Variants in GFRA2 observed in about 807,000 individuals in gnomAD.
The protein encoded by GFRA2 is GDNF family receptor alpha 2, also known as GDNF family receptor alpha-2.
GFRA2 carries 17 observed loss-of-function variants against 48.3 expected under a neutral mutation model. The ratio of observed to expected loss-of-function variants is 0.35; its 90% CI spans 0.24 to 0.53. GFRA2 has a LOEUF of 0.53. Ranked by LOEUF, GFRA2 falls within the 20% of genes least tolerant of loss-of-function variation. The pLI is 0.93. For missense variants in GFRA2, 660 were observed against 637.3 expected (o/e 1.04, Z -0.38); for synonymous variants, 305 against 257.2 (o/e 1.19, Z -1.78).
At chr8:21,780,240 C>A (rs1195405377) in intron 2 of GFRA2, among the ~76,000 whole-genome samples, 1 of 152,088 alleles carries the variant, frequency 6.6e-6, no homozygotes, top group Non-Finnish European at 1.5e-5. Context: ...CATACGATGG[C>A]CGATGGCCGG....
At chr8:21,761,907 T>C (rs1454696717) in intron 3 of GFRA2, among the ~76,000 whole-genome samples, 1 of 151,840 alleles carries the variant, frequency 6.6e-6, no homozygotes, top group East Asian at 1.9e-4. Context: ...CTGAGGGCTG[T>C]CACCACTGTA....
intron 2 of GFRA2, among the ~76,000 whole-genome samples, chr8:21,778,517 A>G (rs1585332289): frequency 6.6e-6 from 1 of 152,254 alleles, no homozygotes; most frequent in African/African-American, 2.4e-5. Context: ...CAGTTCCTAC[A>G]GTGCTGTTAC....
At chr8:21,788,067 C>T in intron 1 of GFRA2, 53 bp downstream of exon 1, 1 of 1,041,870 alleles carries the variant, frequency 9.6e-7, no homozygotes, top group Non-Finnish European at 1.4e-6. Flanking sequence ...GCTCGCCCCC[C>T]GCCTCCCCGG....
At chr8:21,727,089 T>C (rs1803907728) in intron 4 of GFRA2, among the ~76,000 whole-genome samples, 1 of 152,142 alleles carries the variant, frequency 6.6e-6, no homozygotes, top group Non-Finnish European at 1.5e-5. Context: ...CATTCTGAAG[T>C]TCCGGGTGGA....
At chr8:21,695,262 T>C (rs986103522) in intron 7 of GFRA2, among the ~76,000 whole-genome samples, 15 of 152,272 alleles carry the variant, frequency 9.9e-5, no homozygotes, top group Admixed American at 3.9e-4. Context: ...CGGCCCTCTG[T>C]TATCATCACT....
At chr8:21,734,515 G>A (rs1415194393) in intron 4 of GFRA2, among the ~76,000 whole-genome samples, 1 of 151,792 alleles carries the variant, frequency 6.6e-6, no homozygotes, top group Non-Finnish European at 1.5e-5. Context: ...CAACAGCCTA[G>A]TGAGGTGTTC....
At chr8:21,744,088 A>T (rs774183239) in intron 4 of GFRA2, among the ~76,000 whole-genome samples, 1 of 152,190 alleles carries the variant, frequency 6.6e-6, no homozygotes, top group Non-Finnish European at 1.5e-5. Flanking sequence ...AACAGATCCT[A>T]TGGAAAGCCA....
intron 4 of GFRA2, among the ~76,000 whole-genome samples, chr8:21,726,891 T>C (rs1418252447): frequency 6.6e-6 from 1 of 151,768 alleles, no homozygotes; most frequent in Non-Finnish European, 1.5e-5. Flanking sequence ...TAGCTGGGAC[T>C]ACAAGCGCGC....
Position 21,702,702 on chromosome 8 carries a change from G to A in GFRA2, c.1218+103C>T, listed in dbSNP as rs114884518. On this transcript the variant is annotated intron_variant, in intron 7 of 8. Coordinates refer to ENST00000524240, the MANE Select transcript of GFRA2 (RefSeq NM_001495.5). ...GCTCCTCCCTGCCTCTTGGGTCCCTGATCCAAAGGGAGGACCCTCCCTCCC... is the reference window on the plus strand; with the variant it reads ...GCTCCTCCCTGCCTCTTGGGTCCCTAATCCAAAGGGAGGACCCTCCCTCCC... 3,257 of 1,207,612 alleles carry A rather than the reference G, an allele frequency of 2.7e-3. 45 individuals carry two copies. In the African/African-American group the frequency reaches 0.042, roughly 15 times the overall value. 74.8% of individuals were successfully genotyped at this position (1,207,612 alleles called of 1,614,324 possible).
Position 21,748,946 on chromosome 8 carries a change from C to T in GFRA2, c.794+1642G>A, listed in dbSNP as rs576187559. On this transcript the variant is annotated intron_variant, in intron 4 of 8. Transcript: ENST00000524240. ...AACAGGCTTCTTCCCTGGCTTTCTC[C>T]TCCTTGTTTCCCAAGGCTCAGGTCA... Among the ~76,000 whole-genome samples, 10 of 152,300 alleles carry T rather than the reference C, an allele frequency of 6.6e-5. No homozygotes were observed. The South Asian group carries it at 2.1e-3, about 32-fold the overall frequency.
intron 3 of GFRA2, among the ~76,000 whole-genome samples, chr8:21,757,348 G>T (rs1412276357): frequency 1.3e-5 from 2 of 152,146 alleles, no homozygotes; most frequent in Non-Finnish European, 2.9e-5. Flanking sequence ...CAGCAGGCAG[G>T]CATATGAGTG....
chr8:21,784,031 G>C (rs1223556360), intron 1 of GFRA2, among the ~76,000 whole-genome samples: 1 of 151,346 alleles, frequency 6.6e-6, no homozygotes, highest in Non-Finnish European at 1.5e-5. Context: ...TCCCCTCCTC[G>C]GACCCCAGCC....
In GFRA2 at chr8:21,788,251, G is replaced by A. The variant is rs1445919827; in HGVS notation, c.-92C>T. On this transcript the variant is annotated 5_prime_UTR_variant, in exon 1 of 9. Transcript: ENST00000524240. ...CAACAATAATAATAGGCAAGCAGTGGTAATCAGCCCCAAATCCAATGCGGA... is the reference window on the plus strand; with the variant it reads ...CAACAATAATAATAGGCAAGCAGTGATAATCAGCCCCAAATCCAATGCGGA... 1.3e-6 allele frequency: 2 copies of A among 1,532,760 alleles called. No homozygotes were observed. Among genetic ancestry groups the A allele is most frequent in the African/African-American group, 1.4e-5 (1 of 70,794 alleles). 94.9% of individuals were successfully genotyped at this position (1,532,760 alleles called of 1,614,324 possible). A position where few individuals can be genotyped will look rare whatever the true frequency, so the allele number is the denominator to read the frequency against.
Position 21,750,581 on chromosome 8 carries a change from C to G in GFRA2, c.794+7G>C. On this transcript the variant is annotated splice_region_variant and intron_variant, in intron 4 of 8. Coordinates refer to ENST00000524240, the MANE Select transcript of GFRA2 (RefSeq NM_001495.5). This position sits in a 1 kb window ranked among gnomAD's most constrained non-coding sequence, Gnocchi z 5.7. ...GCCAGCACCACCGGGGCTGCCGCGG[C>G]ACTCACCGACACAGGTGGTCAGTCC... 1 of 1,559,532 alleles carries G rather than the reference C, an allele frequency of 6.4e-7. No individual in the cohort carries two copies.
chr8:21,729,140 C>T (rs566162885), intron 4 of GFRA2, among the ~76,000 whole-genome samples: 26 of 152,268 alleles, frequency 1.7e-4, no homozygotes, highest in Middle Eastern at 3.4e-3. Context: ...TAAACCTCTC[C>T]GCCTGGTTCT....
intron 4 of GFRA2, among the ~76,000 whole-genome samples, chr8:21,712,563 T>C (rs1048649915): frequency 3.8e-5 from 5 of 131,614 alleles, no homozygotes; most frequent in African/African-American, 8.9e-5. Flanking sequence ...TCCCAGACGA[T>C]GGGCGGCCAG....
intron 1 of GFRA2, among the ~76,000 whole-genome samples, chr8:21,787,559 C>G (rs909639847): frequency 6.6e-6 from 1 of 152,252 alleles, no homozygotes; most frequent in Non-Finnish European, 1.5e-5. Context: ...CGTGGGGACG[C>G]GGGCTCCGTT....
upstream of GFRA2, among the ~76,000 whole-genome samples, chr8:21,793,169 A>C (rs1045223983): frequency 3.6e-4 from 55 of 152,214 alleles, no homozygotes; most frequent in Non-Finnish European, 7.3e-4. Flanking sequence ...GGGGTGCTCA[A>C]GTGGAGAAGA....
intron 4 of GFRA2, among the ~76,000 whole-genome samples, chr8:21,739,152 T>C (rs866254969): frequency 2.8e-4 from 42 of 152,038 alleles, no homozygotes; most frequent in South Asian, 2.1e-4. Flanking sequence ...CCAGGGAGAG[T>C]AGGGACAGTG....
Sources: allele counts gnomAD v4.1 joint callset (sites outside exome capture counted in the v4.1 genomes callset), GRCh38; gene constraint gnomAD v4.1.1; non-coding constraint Gnocchi (gnomAD v3.1); transcripts MANE v1.5; gene names NCBI Gene and HGNC (gene_info 2026-07-23, HGNC 2026-07-21).